The following PDE4D variants were observed in gnomAD, a reference collection of about 807,000 sequenced individuals.
PDE4D encodes 3',5'-cyclic-AMP phosphodiesterase 4D.
A neutral mutation model predicts 87.4 loss-of-function variants in PDE4D; 24 were observed. That is an observed-to-expected ratio of 0.27 (90% CI 0.20 to 0.39). The LOEUF is 0.39. Among genes scored for constraint, PDE4D ranks in the 10% least tolerant of loss-of-function variants. The pLI is 1.00. For synonymous variants in PDE4D, 384 were observed against 383.2 expected (o/e 1.00, Z -0.02); for missense variants, 714 against 1,041.0 (o/e 0.69, Z 4.32).
intron 1 of PDE4D, among the ~76,000 whole-genome samples, chr5:60,302,571 T>C (rs890113049): frequency 6.6e-6 from 1 of 152,174 alleles, no homozygotes; most frequent in Non-Finnish European, 1.5e-5. Flanking sequence ...TATTCTTTTT[T>C]AGTCTAGCTA....
rs1769545962 is a variant in PDE4D, at chr5:59,095,531, T to C, written c.809-56560A>G. ...TTCTTTCAGAAATAAAATAATTAAA[T>C]AGCTATGTATGCCAAGAAACCTTAC... On this transcript the variant is annotated intron_variant, in intron 5 of 14. Transcript: ENST00000340635. Among the ~76,000 whole-genome samples the C allele has an allele frequency of 2.0e-5, 3 of 152,262 alleles. No homozygotes were observed. The South Asian group carries it at 6.2e-4, about 32-fold the overall frequency.
chr5:59,964,969 G>A (rs1269377277), intron 3 of PDE4D, among the ~76,000 whole-genome samples: 1 of 151,810 alleles, frequency 6.6e-6, no homozygotes, highest in African/African-American at 2.4e-5. Flanking sequence ...TTGCTTCAAG[G>A]CCTTTGCACA....
At chr5:59,320,491 A>G (rs1774525970) in intron 1 of PDE4D, among the ~76,000 whole-genome samples, 2 of 152,136 alleles carry the variant, frequency 1.3e-5, no homozygotes, top group African/African-American at 2.4e-5. Flanking sequence ...AATTTTAATC[A>G]TAACAACTTA....
intron 1 of PDE4D, chr5:60,185,808 CTG>C: frequency 2.5e-6 from 1 of 395,584 alleles, no homozygotes; most frequent in Non-Finnish European, 4.7e-6. Flanking sequence ...TAAAACGGTG[CTG>C]TGTTTAAAGC....
intron 5 of PDE4D, among the ~76,000 whole-genome samples, chr5:59,071,683 C>CTTTTTTTTTTTTTTTTTTTT (rs10701223): frequency 1.3e-4 from 11 of 82,406 alleles, no homozygotes; most frequent in South Asian, 4.8e-4. Context: ...TATTTCTCTT[C>CTTTTTTTTTTTTTTTTTTTT]TTTTTTTTTT....
At chr5:59,713,587 A>G (rs1187979988) in intron 1 of PDE4D, among the ~76,000 whole-genome samples, 1 of 152,152 alleles carries the variant, frequency 6.6e-6, no homozygotes, top group Non-Finnish European at 1.5e-5. Context: ...GACAATTGGC[A>G]TCACGAACAG....
chr5:60,208,786 C>G (rs1475706304), intron 1 of PDE4D, among the ~76,000 whole-genome samples: 2 of 152,182 alleles, frequency 1.3e-5, no homozygotes, highest in African/African-American at 4.8e-5. Flanking sequence ...TGTGGACTAG[C>G]AATGGCACCA....
intron 1 of PDE4D, among the ~76,000 whole-genome samples, chr5:59,227,359 C>T (rs1315873706): frequency 2.0e-5 from 3 of 151,992 alleles, no homozygotes; most frequent in East Asian, 1.9e-4. Flanking sequence ...ATGCCAAAAG[C>T]AATTGCAACA....
intron 1 of PDE4D, among the ~76,000 whole-genome samples, chr5:59,434,962 C>A (rs969824176): frequency 6.6e-6 from 1 of 152,134 alleles, no homozygotes; most frequent in Non-Finnish European, 1.5e-5. Flanking sequence ...TTATTATACT[C>A]ATTTTTCAGA....
chr5:59,414,544 T>C (rs1362237680), intron 1 of PDE4D, among the ~76,000 whole-genome samples: 2 of 152,178 alleles, frequency 1.3e-5, no homozygotes, highest in Admixed American at 6.5e-5. Flanking sequence ...AGTTTGTCTA[T>C]ACCAGAGGAT....
intron 2 of PDE4D, among the ~76,000 whole-genome samples, chr5:60,173,730 A>G (rs906895673): frequency 6.6e-6 from 1 of 152,172 alleles, no homozygotes; most frequent in African/African-American, 2.4e-5. Flanking sequence ...AGCAACAGTC[A>G]GCAGCTTCCA....
intron 1 of PDE4D, among the ~76,000 whole-genome samples, chr5:60,265,832 AGAG>A (rs2149712550): frequency 6.6e-6 from 1 of 152,348 alleles, no homozygotes; most frequent in East Asian, 1.9e-4. Flanking sequence ...GAGTCAGGGC[AGAG>A]GAGAGCAAGG....
At chr5:60,139,356 CTCTT>C (rs1780323379) in intron 2 of PDE4D, among the ~76,000 whole-genome samples, 1 of 152,032 alleles carries the variant, frequency 6.6e-6, no homozygotes, top group Admixed American at 6.6e-5. Flanking sequence ...TAACTTATAA[CTCTT>C]TTAATGTGCA....
At chr5:59,322,211 A>G (rs1774845363) in intron 1 of PDE4D, among the ~76,000 whole-genome samples, 1 of 152,166 alleles carries the variant, frequency 6.6e-6, no homozygotes, top group Non-Finnish European at 1.5e-5. Flanking sequence ...AAGAAGTCCA[A>G]TAACTACATA....
intron 1 of PDE4D, among the ~76,000 whole-genome samples, chr5:60,403,014 C>A (rs531510390): frequency 6.6e-6 from 1 of 152,138 alleles, no homozygotes; most frequent in Non-Finnish European, 1.5e-5. Context: ...AGAAACCAAA[C>A]CATTTACAGA....
intron 1 of PDE4D, among the ~76,000 whole-genome samples, chr5:59,707,991 G>A (rs1040964541): frequency 6.6e-6 from 1 of 152,056 alleles, no homozygotes; most frequent in Non-Finnish European, 1.5e-5. Context: ...TGATTGTTGG[G>A]TCAAATCCTA....
chr5:59,395,656 ACT>A (rs1346392210), intron 1 of PDE4D, among the ~76,000 whole-genome samples: 2 of 142,514 alleles, frequency 1.4e-5, no homozygotes, highest in African/African-American at 5.4e-5. Context: ...AAAACTGGAA[ACT>A]CTAAAAATCA....
At chr5:59,240,041 T>G (rs1345637617) in intron 1 of PDE4D, among the ~76,000 whole-genome samples, 1 of 152,196 alleles carries the variant, frequency 6.6e-6, no homozygotes, top group South Asian at 2.1e-4. Context: ...TTTTACTCAT[T>G]GCATGCATCT....
chr5:59,298,856 G>T (rs1473595863), intron 1 of PDE4D, among the ~76,000 whole-genome samples: 3 of 152,070 alleles, frequency 2.0e-5, no homozygotes, highest in Admixed American at 2.0e-4. Flanking sequence ...ACATGTAACT[G>T]CACATCTGAT....
Sources: gnomAD v4.1 joint callset for allele counts (sites outside exome capture counted in the v4.1 genomes callset) on GRCh38, gnomAD v4.1.1 for gene constraint, MANE v1.5 for transcripts, NCBI Gene and HGNC (gene_info 2026-07-23, HGNC 2026-07-21) for gene names.